The following DOCK9 variants were observed in gnomAD, a reference collection of about 807,000 sequenced individuals.
DOCK9 encodes the protein dedicator of cytokinesis 9, also known as dedicator of cytokinesis protein 9.
In DOCK9, 89 loss-of-function variants were observed where a neutral mutation model predicts 263.3. The observed-to-expected ratio is 0.34, with a 90% CI of 0.28 to 0.40. The LOEUF is 0.40. Among genes scored for constraint, DOCK9 ranks in the 10% least tolerant of loss-of-function variants. The pLI, the probability that DOCK9 is intolerant of heterozygous loss-of-function variation, is 1.00. For synonymous variants in DOCK9, 976 were observed against 973.1 expected (o/e 1.00, Z -0.06); for missense variants, 2,140 against 2,603.4 (o/e 0.82, Z 3.87).
intron 30 of DOCK9, among the ~76,000 whole-genome samples, chr13:98,866,064 G>C (rs78745321): frequency 0.041 from 6,274 of 152,220 alleles, 419 homozygotes; most frequent in African/African-American, 0.14. Context: ...GTCTCCCCCA[G>C]ATATGCGGGT....
intron 1 of DOCK9, among the ~76,000 whole-genome samples, chr13:99,060,961 GC>G (rs1329591627): frequency 6.6e-6 from 1 of 152,206 alleles, no homozygotes; most frequent in African/African-American, 2.4e-5. Flanking sequence ...TCCAGTCTGA[GC>G]CTTCACTTTC....
intron 15 of DOCK9, among the ~76,000 whole-genome samples, chr13:98,890,227 C>G (rs2046406446): frequency 6.6e-6 from 1 of 152,178 alleles, no homozygotes. Context: ...GATAAAGATA[C>G]TGCACAGTAT....
chr13:98,814,973 A>ATAACATAACATACC (rs2091705691), intron 45 of DOCK9, among the ~76,000 whole-genome samples: 1 of 140,958 alleles, frequency 7.1e-6, no homozygotes. Flanking sequence ...AATAAAATAA[A>ATAACATAACATACC]ATAAAATAAA....
At chr13:98,922,003 G>C in intron 6 of DOCK9, 48 bp downstream of exon 6, 1 of 1,433,546 alleles carries the variant, frequency 7.0e-7, no homozygotes, top group Non-Finnish European at 9.6e-7. Flanking sequence ...GAGCTCTATG[G>C]CAGAAAGGGC....
At chr13:98,851,380 G>A (rs2093563854) in intron 35 of DOCK9, among the ~76,000 whole-genome samples, 1 of 152,178 alleles carries the variant, frequency 6.6e-6, no homozygotes, top group Non-Finnish European at 1.5e-5. Flanking sequence ...AACAGACTCT[G>A]GCTACTTGAG....
At chr13:98,795,884 G>A (rs12877190) in intron 52 of DOCK9, among the ~76,000 whole-genome samples, 58,975 of 151,526 alleles carry the variant, frequency 0.39, 12,329 homozygotes, top group East Asian at 0.62. Flanking sequence ...TCAGCCTCCC[G>A]AGTAGCTGAG....
chr13:98,861,055 T>C (rs1480441455), intron 32 of DOCK9, among the ~76,000 whole-genome samples: 2 of 152,208 alleles, frequency 1.3e-5, no homozygotes, highest in Non-Finnish European at 2.9e-5. Flanking sequence ...GTGTTCATTT[T>C]TGTTAGGATT....
At chr13:98,976,323 G>A (rs1214884871) in intron 1 of DOCK9, among the ~76,000 whole-genome samples, 1 of 152,050 alleles carries the variant, frequency 6.6e-6, no homozygotes, top group African/African-American at 2.4e-5. Flanking sequence ...TAAACAAATA[G>A]CTAGGACATA....
chr13:99,033,346 C>T lies in DOCK9; in HGVS notation c.129+52877G>A, dbSNP rs1887544344. ...ATCAACCAGGACCAATAAGTAAAAA[C>T]TCTAATAACCAGTGTTGCCCTAAAA... On this transcript the variant is annotated intron_variant, in intron 1 of 32. Coordinates refer to the DOCK9 transcript ENST00000427887. 2.0e-5 allele frequency among the ~76,000 whole-genome samples: 3 copies of T among 152,270 alleles called. No individual in the cohort carries two copies. The South Asian group carries it at 6.2e-4, about 32-fold the overall frequency.
At chr13:98,956,157 G>C (rs2058039829) in intron 1 of DOCK9, among the ~76,000 whole-genome samples, 1 of 152,182 alleles carries the variant, frequency 6.6e-6, no homozygotes, top group Non-Finnish European at 1.5e-5. Flanking sequence ...CTTAAACCAG[G>C]GCTCATGGGT....
rs868256635 is a variant in DOCK9, at chr13:98,825,908, G to T, written c.5023+922C>A. The stretch of plus-strand genomic sequence containing the variant: ...CTCCTCAGGCAGGCGCTATGGCTGT[G>T]GGGGAGAAGGGGCGGCTCCCACTGG... On this transcript the variant is annotated intron_variant, in intron 44 of 52. Transcript: ENST00000682017. The surrounding 1 kb of genome is among the most constrained non-coding windows in gnomAD (Gnocchi z 4.1). 3.2e-6 allele frequency: 5 copies of T among 1,554,906 alleles called. No individual in the cohort carries two copies. The highest frequency in any genetic ancestry group is 3.5e-6 in the Non-Finnish European group (4 of 1,149,444).
chr13:99,010,036 A>T (rs1046260468), intron 1 of DOCK9, among the ~76,000 whole-genome samples: 3 of 152,142 alleles, frequency 2.0e-5, no homozygotes, highest in Non-Finnish European at 4.4e-5. Context: ...TTAATTTACA[A>T]TGGGTAAAAT....
At chr13:98,956,338 G>A (rs187619075) in intron 1 of DOCK9, among the ~76,000 whole-genome samples, 5 of 152,272 alleles carry the variant, frequency 3.3e-5, no homozygotes, top group East Asian at 1.9e-4. Context: ...TTTATGGCTC[G>A]CTTTCCACAT....
intron 1 of DOCK9, among the ~76,000 whole-genome samples, chr13:99,076,221 G>A (rs1420693084): frequency 6.6e-6 from 1 of 152,188 alleles, no homozygotes; most frequent in Non-Finnish European, 1.5e-5. Context: ...TCATTATTCA[G>A]TGAATGAAAA....
Position 98,797,375 on chromosome 13 carries a change from T to G in DOCK9, c.6017+14A>C. The G allele has an allele frequency of 6.2e-7, 1 of 1,612,246 alleles. No individual in the cohort carries two copies. The highest frequency in any genetic ancestry group is 8.5e-7 in the Non-Finnish European group (1 of 1,178,720). ...AATACTCGAAGAGAAAAAGATGCTT[T>G]CAGTGTGCTTTACCTGAAAACTTCC... On this transcript the variant is annotated intron_variant, in intron 51 of 52. Transcript: ENST00000682017.
At chr13:99,028,708 G>A (rs1454504029) in intron 1 of DOCK9, among the ~76,000 whole-genome samples, 1 of 152,142 alleles carries the variant, frequency 6.6e-6, no homozygotes, top group Non-Finnish European at 1.5e-5. Flanking sequence ...ACAAAGCCCA[G>A]CAACAGGTAA....
intron 38 of DOCK9, among the ~76,000 whole-genome samples, chr13:98,843,550 G>GATA (rs1321978610): frequency 6.6e-6 from 1 of 152,200 alleles, no homozygotes; most frequent in Non-Finnish European, 1.5e-5. Context: ...CAACTTAGGA[G>GATA]ATAACAGAAC....
intron 1 of DOCK9, among the ~76,000 whole-genome samples, chr13:98,959,718 G>T (rs1189355152): frequency 1.3e-5 from 2 of 152,210 alleles, no homozygotes; most frequent in African/African-American, 4.8e-5. Flanking sequence ...GGAGGAAAAC[G>T]AAAAGAGAGG....
At chr13:98,888,832 T>C in intron 15 of DOCK9, 121 bp from the exon 16 acceptor site, 1 of 803,366 alleles carries the variant, frequency 1.2e-6, no homozygotes, top group Non-Finnish European at 2.0e-6. Context: ...AACATTCTAG[T>C]AGCCTCATGA....
Sources: gnomAD v4.1 joint callset for allele counts (sites outside exome capture counted in the v4.1 genomes callset) on GRCh38, gnomAD v4.1.1 for gene constraint, Gnocchi (gnomAD v3.1) non-coding constraint, MANE v1.5 for transcripts, NCBI Gene and HGNC (gene_info 2026-07-23, HGNC 2026-07-21) for gene names.